Variants in AQP1 observed in about 807,000 individuals in gnomAD.
AQP1 encodes aquaporin-1.
Under a neutral mutation model 19.7 loss-of-function variants are expected in AQP1, and 11 were observed. The ratio of observed to expected loss-of-function variants is 0.56; its 90% CI spans 0.35 to 0.92. The LOEUF is 0.92. AQP1 is among the 40% of genes least tolerant of loss of function. The pLI, the probability that AQP1 is intolerant of heterozygous loss-of-function variation, is 0.01. For missense variants in AQP1, 320 were observed against 369.7 expected (o/e 0.87, Z 1.10); for synonymous variants, 159 against 166.7 (o/e 0.95, Z 0.36).
chr7:30,922,836 G>A (rs1355394748), intron 3 of AQP1, among the ~76,000 whole-genome samples, 192 bp downstream of exon 3: 1 of 152,220 alleles, frequency 6.6e-6, no homozygotes, highest in African/African-American at 2.4e-5. Flanking sequence ...CCTAGTCTCT[G>A]CCCTCCCAGC....
At chr7:30,917,586 G>C (rs1479003788) in intron 1 of AQP1, among the ~76,000 whole-genome samples, 1 of 152,148 alleles carries the variant, frequency 6.6e-6, no homozygotes, top group East Asian at 1.9e-4. Context: ...ACCCAGAAGT[G>C]CCATCAGACA....
At chr7:30,916,408 C>T (rs939143432) in intron 1 of AQP1, among the ~76,000 whole-genome samples, 4 of 152,268 alleles carry the variant, frequency 2.6e-5, no homozygotes, top group Non-Finnish European at 4.4e-5. Flanking sequence ...CTTCTGGAAG[C>T]ACCAATGAGT....
rs779725060 is a variant in AQP1 at position 30,923,394 on chromosome 7, A to G, written c.631-56A>G. 2 of 1,611,490 alleles carry G rather than the reference A, an allele frequency of 1.2e-6. No homozygotes were observed. The highest frequency in any genetic ancestry group is 1.3e-5 in the African/African-American group (1 of 74,820). ...GGTGGGCTGTGGGGTAACCTAGGGA[A>G]CGCTTCCCAGGGGCTTTTGAGTGGA... On this transcript the variant is annotated intron_variant, in intron 3 of 3. Transcript: ENST00000311813. The surrounding 1 kb of genome is among the most constrained non-coding windows in gnomAD (Gnocchi z 4.8).
At position 30,923,916 on chromosome 7, in the gene AQP1, C is replaced by G. The variant is rs761181467; in HGVS notation, c.*287C>G. On this transcript the variant is annotated 3_prime_UTR_variant, in exon 4 of 4. Transcript: ENST00000311813. The surrounding 1 kb of genome is among the most constrained non-coding windows in gnomAD (Gnocchi z 4.8). ...AAAGGGACCCACCTGCTAGTCGCCC[C>G]TCAGAGCATGATGGGAGGTGTGCCA... is the stretch of plus-strand genomic sequence containing the variant. 7 of 1,453,024 alleles carry G rather than the reference C, an allele frequency of 4.8e-6. No individual in the cohort carries two copies. Among genetic ancestry groups the G allele is most frequent in the Non-Finnish European group, 1.8e-6 (2 of 1,088,558 alleles). 90.0% of individuals were successfully genotyped at this position (1,453,024 alleles called of 1,614,324 possible). A position where few individuals can be genotyped will look rare whatever the true frequency, so the allele number is the denominator to read the frequency against.
chr7:30,923,670 G>GGGGCAT lies in AQP1; in HGVS notation c.*45_*46insATGGGC. ...GGCATCCACGTAGGGGGCAGGGGCA[G>GGGGCAT]GGGCGGGCGGAGGGAGGGGAGGGGT... On this transcript the variant is annotated 3_prime_UTR_variant, in exon 4 of 4. Transcript: ENST00000311813. The surrounding 1 kb of genome is among the most constrained non-coding windows in gnomAD (Gnocchi z 4.8). The GGGGCAT allele has an allele frequency of 6.4e-7, 1 of 1,564,486 alleles. No homozygotes were observed. Among genetic ancestry groups the GGGGCAT allele is most frequent in the South Asian group, 1.2e-5 (1 of 85,122 alleles).
chr7:30,919,524 G>C (rs1286585158), intron 1 of AQP1, among the ~76,000 whole-genome samples: 2 of 149,404 alleles, frequency 1.3e-5, no homozygotes, highest in East Asian at 3.9e-4. Flanking sequence ...AGACAATTGA[G>C]AATTGAGAAT....
rs560352877 is a variant in AQP1 at position 30,912,574 on chromosome 7, G to A, written c.384+281G>A. Among the ~76,000 whole-genome samples the A allele has an allele frequency of 6.6e-6, 1 of 152,330 alleles. No individual in the cohort carries two copies. Among genetic ancestry groups the A allele is most frequent in the East Asian group, 1.9e-4 (1 of 5,182 alleles). On this transcript the variant is annotated intron_variant, in intron 1 of 3. Coordinates refer to ENST00000311813, the MANE Select transcript of AQP1 (RefSeq NM_198098.4). This position sits in a 1 kb window ranked among gnomAD's most constrained non-coding sequence, Gnocchi z 4.3. ...GGCATCTATTATGGGGAATAAGCTTGGCCAGCAGTTCCTCGCCCCTTGGCT... is the reference window on the plus strand; with the variant it reads ...GGCATCTATTATGGGGAATAAGCTTAGCCAGCAGTTCCTCGCCCCTTGGCT...
At position 30,922,108 on chromosome 7, in the gene AQP1, A is replaced by G. The variant is rs774464227; in HGVS notation, c.427A>G (p.Ile143Val). 1 of 1,613,878 alleles carries G rather than the reference A, an allele frequency of 6.2e-7. No homozygotes were observed. The highest frequency in any genetic ancestry group is 1.7e-5 in the Admixed American group (1 of 60,006). ...VNSGQGLGIE[I>V]IGTLQLVLCV... ...CTCGGGCCAGGGCCTGGGCATCGAGATCATCGGGACCCTCCAGCTGGTGCT... is the reference window on the plus strand; with the variant it reads ...CTCGGGCCAGGGCCTGGGCATCGAGGTCATCGGGACCCTCCAGCTGGTGCT... Residue 143 changes from isoleucine to valine, a missense_variant, in exon 2 of 4, where the codon ATC becomes GTC. Transcript: ENST00000311813.
At chr7:30,922,532 T>G in intron 2 of AQP1, 32 bp from the exon 3 acceptor site, 1 of 1,592,746 alleles carries the variant, frequency 6.3e-7, no homozygotes, top group Non-Finnish European at 8.6e-7. Context: ...ACTCTCTGCC[T>G]TCGCCCCTCC....
At chr7:30,915,207 C>A (rs990523692) in intron 1 of AQP1, among the ~76,000 whole-genome samples, 2 of 152,152 alleles carry the variant, frequency 1.3e-5, no homozygotes, top group African/African-American at 2.4e-5. Flanking sequence ...CGGCTCCCTG[C>A]AAGCATGACC....
At chr7:30,922,039 A>G in intron 1 of AQP1, 27 bp from the exon 2 acceptor site, 1 of 1,612,998 alleles carries the variant, frequency 6.2e-7, no homozygotes, top group Non-Finnish European at 8.5e-7. Flanking sequence ...CCTCCTCACC[A>G]GTCCTCACCA....
rs80237334 is a variant in AQP1 at position 30,917,737 on chromosome 7, C to T, written c.385-4329C>T. Reference sequence around the variant, plus strand: ...GAAAAAGAGTGTGCATTCTCTAATTCAGGGGTACAGGGTTTTCATATTTTT... The same window carrying T: ...GAAAAAGAGTGTGCATTCTCTAATTTAGGGGTACAGGGTTTTCATATTTTT... On this transcript the variant is annotated intron_variant, in intron 1 of 3. Transcript: ENST00000311813. Among the ~76,000 whole-genome samples the T allele has an allele frequency of 1.6e-3, 238 of 152,262 alleles. 1 individual carries two copies. In the East Asian group the frequency reaches 0.029, roughly 19 times the overall value.
rs1462031633 is a variant in AQP1, at chr7:30,923,612, G to C, written c.793G>C (p.Glu265Gln). The change falls in exon 4 of 4, where the codon GAG (glutamate) becomes CAG (glutamine). Residue 265 changes from glutamate (E) to glutamine (Q), a missense_variant. Coordinates refer to ENST00000311813, the MANE Select transcript of AQP1 (RefSeq NM_198098.4). This position sits in a 1 kb window ranked among gnomAD's most constrained non-coding sequence, Gnocchi z 4.8. ...TGCCGACGACATCAACTCCAGGGTG[G>C]AGATGAAGCCCAAATAGAAGGGGTC... ...LDADDINSRV[E>Q]MKPK 6.4e-7 allele frequency: 1 copy of C among 1,565,448 alleles called. No homozygotes were observed. The highest frequency in any genetic ancestry group is 1.1e-5 in the South Asian group (1 of 90,392).
chr7:30,921,338 T>C, intron 1 of AQP1: 1 of 1,355,206 alleles, frequency 7.4e-7, no homozygotes, highest in Non-Finnish European at 9.5e-7. Context: ...CAGACGGTGG[T>C]GGCGGGGCCT....
intron 1 of AQP1, among the ~76,000 whole-genome samples, chr7:30,917,995 A>AT (rs201457298): frequency 1.9e-3 from 275 of 146,870 alleles, no homozygotes; most frequent in African/African-American, 5.0e-3. Context: ...TCCTTTATAG[A>AT]TTTTTATTTT....
intron 1 of AQP1, chr7:30,921,780 C>T: frequency 6.4e-7 from 1 of 1,550,610 alleles, no homozygotes; most frequent in Non-Finnish European, 8.7e-7. Context: ...GATGCAAAGG[C>T]CCCAGCTCAC....
intron 1 of AQP1, 71 bp from the exon 2 acceptor site, chr7:30,921,995 A>G (rs2128590672): frequency 8.1e-6 from 13 of 1,603,240 alleles, no homozygotes; most frequent in South Asian, 1.1e-5. Context: ...AGGCCTGGGT[A>G]TCCTTGGGGT....
At chr7:30,917,650 C>T (rs1791391636) in intron 1 of AQP1, among the ~76,000 whole-genome samples, 1 of 152,166 alleles carries the variant, frequency 6.6e-6, no homozygotes, top group Admixed American at 6.5e-5. Flanking sequence ...TGCAGGGATG[C>T]CTGTATGATA....
At chr7:30,921,294 T>G in intron 1 of AQP1, 2 of 1,287,116 alleles carry the variant, frequency 1.6e-6, no homozygotes, top group Non-Finnish European at 2.0e-6. Context: ...CCATGAGTCA[T>G]GTTTCTAAAA....
Sources: gnomAD v4.1 joint callset for allele counts (sites outside exome capture counted in the v4.1 genomes callset) on GRCh38, gnomAD v4.1.1 for gene constraint, Gnocchi (gnomAD v3.1) non-coding constraint, MANE v1.5 for transcripts, NCBI Gene and HGNC (gene_info 2026-07-23, HGNC 2026-07-21) for gene names.